The following ASTN2 variants were observed in gnomAD, a reference collection of about 807,000 sequenced individuals.
ASTN2 encodes the protein astrotactin-2.
Under a neutral mutation model 139.8 loss-of-function variants are expected in ASTN2, and 54 were observed. The ratio of observed to expected loss-of-function variants is 0.39; its 90% CI spans 0.31 to 0.48. The LOEUF is 0.48. ASTN2 is among the 20% of genes least tolerant of loss of function. The pLI is 0.95. For missense variants in ASTN2, 1,565 were observed against 1,725.1 expected, an observed-to-expected ratio of 0.91 and a Z score of 1.64; for synonymous variants, 756 against 719.5, an observed-to-expected ratio of 1.05 and a Z score of -0.81.
intron 2 of ASTN2, among the ~76,000 whole-genome samples, chr9:117,290,427 A>G (rs1468823364): frequency 3.9e-5 from 6 of 152,098 alleles, no homozygotes; most frequent in Admixed American, 3.9e-4. Flanking sequence ...TTAGACTACC[A>G]CTCAAGTGAT....
chr9:116,602,569 G>A (rs4837658), intron 19 of ASTN2, among the ~76,000 whole-genome samples: 64 of 152,028 alleles, frequency 4.2e-4, no homozygotes, highest in Non-Finnish European at 8.1e-4. Context: ...AAATTGTTTG[G>A]AGAAAAATTA....
intron 5 of ASTN2, among the ~76,000 whole-genome samples, chr9:117,064,628 A>T (rs570295854): frequency 6.6e-6 from 1 of 152,298 alleles, no homozygotes; most frequent in Admixed American, 6.5e-5. Flanking sequence ...ATAGAGTGGA[A>T]TAATAGACAT....
intron 3 of ASTN2, chr9:117,180,574 A>G: frequency 2.5e-6 from 2 of 798,650 alleles, no homozygotes; most frequent in Non-Finnish European, 4.0e-6. Context: ...GCAATCATTT[A>G]TTGACTGCTT....
chr9:116,918,169 C>T (rs1171840459), intron 10 of ASTN2, among the ~76,000 whole-genome samples: 2 of 152,172 alleles, frequency 1.3e-5, no homozygotes, highest in African/African-American at 4.8e-5. Flanking sequence ...TCTTTTTCTT[C>T]CCAGCCTTGT....
At chr9:116,574,715 G>A (rs1853655010) in intron 19 of ASTN2, among the ~76,000 whole-genome samples, 1 of 152,190 alleles carries the variant, frequency 6.6e-6, no homozygotes, top group Non-Finnish European at 1.5e-5. Context: ...TACCGACTGT[G>A]TGTGGACCAC....
chr9:116,646,647 G>T (rs1439057307), intron 17 of ASTN2, among the ~76,000 whole-genome samples: 2 of 152,250 alleles, frequency 1.3e-5, no homozygotes, highest in East Asian at 3.9e-4. Flanking sequence ...CCCTTAGGCT[G>T]TCATGACACT....
At chr9:117,413,168 A>G (rs914778656) in intron 1 of ASTN2, among the ~76,000 whole-genome samples, 1 of 152,266 alleles carries the variant, frequency 6.6e-6, no homozygotes, top group African/African-American at 2.4e-5. Flanking sequence ...AGGTGGTAGC[A>G]TGAAAGGATG....
At chr9:117,166,074 TC>T (rs1420984646) in intron 3 of ASTN2, among the ~76,000 whole-genome samples, 1 of 152,062 alleles carries the variant, frequency 6.6e-6, no homozygotes, top group Non-Finnish European at 1.5e-5. Flanking sequence ...ATAAGACAGG[TC>T]TTAACTTAGT....
chr9:117,414,454 C>T lies in ASTN2; in HGVS notation c.442+43G>A. On this transcript the variant is annotated intron_variant, in intron 1 of 22. Transcript: ENST00000313400. The surrounding 1 kb of genome is among the most constrained non-coding windows in gnomAD (Gnocchi z 4.2). The stretch of plus-strand genomic sequence containing the variant: ...ACCCGTCCGGCATGACGCAGGGGCT[C>T]GGGGTTCCTTGGGATCTAGCGCGTG... The T allele has an allele frequency of 6.2e-7, 1 of 1,600,642 alleles. No homozygotes were observed. Among genetic ancestry groups the T allele is most frequent in the Non-Finnish European group, 8.5e-7 (1 of 1,173,940 alleles).
At chr9:117,363,900 A>C (rs1829761090) in intron 1 of ASTN2, among the ~76,000 whole-genome samples, 1 of 152,132 alleles carries the variant, frequency 6.6e-6, no homozygotes, top group Admixed American at 6.6e-5. Flanking sequence ...TGTGTAGTGC[A>C]TAGGAATTCT....
At chr9:116,450,547 T>C (rs10983161) in intron 20 of ASTN2, among the ~76,000 whole-genome samples, 29,201 of 152,112 alleles carry the variant, frequency 0.19, 3,406 homozygotes, top group Middle Eastern at 0.29. Context: ...TTTGGGTAAG[T>C]CCCACCATGC....
chr9:117,305,520 A>G (rs529076785), intron 1 of ASTN2, among the ~76,000 whole-genome samples: 49 of 152,294 alleles, frequency 3.2e-4, no homozygotes, highest in African/African-American at 1.1e-3. Flanking sequence ...CTGCCACTCT[A>G]TTAGTTGAAT....
rs919825548 is a variant in ASTN2, at chr9:117,238,544, C to A, written c.631-23802G>T. Among the ~76,000 whole-genome samples the A allele has an allele frequency of 6.6e-5, 10 of 152,324 alleles. No homozygotes were observed. The East Asian group carries it at 1.9e-3, about 29-fold the overall frequency. Reference sequence around the variant, plus strand: ...CCAACAGCTCTGGCTCTGGCCCAGGCTATGGGTGAATCTCCTCCACAAAGC... The same window carrying A: ...CCAACAGCTCTGGCTCTGGCCCAGGATATGGGTGAATCTCCTCCACAAAGC... On this transcript the variant is annotated intron_variant, in intron 2 of 22. Transcript: ENST00000313400.
At chr9:117,142,559 C>T (rs4837006) in intron 3 of ASTN2, among the ~76,000 whole-genome samples, 7 of 152,084 alleles carry the variant, frequency 4.6e-5, no homozygotes, top group Non-Finnish European at 7.4e-5. Flanking sequence ...TCCAATATTC[C>T]GTTTGCACCA....
At chr9:116,648,056 C>A (rs1857695445) in intron 17 of ASTN2, among the ~76,000 whole-genome samples, 1 of 150,164 alleles carries the variant, frequency 6.7e-6, no homozygotes, top group Admixed American at 6.7e-5. Context: ...GACTGGAGTG[C>A]AATGGTGCGA....
At chr9:117,330,438 T>G (rs1210545970) in intron 1 of ASTN2, among the ~76,000 whole-genome samples, 1 of 152,192 alleles carries the variant, frequency 6.6e-6, no homozygotes, top group Admixed American at 6.5e-5. Flanking sequence ...GAGCATTGGT[T>G]TGTGATCTCC....
chr9:117,131,181 A>C (rs1177509069), intron 4 of ASTN2, among the ~76,000 whole-genome samples: 1 of 152,210 alleles, frequency 6.6e-6, no homozygotes, highest in Non-Finnish European at 1.5e-5. Flanking sequence ...AACACACTGA[A>C]TGAATCCCCT....
At chr9:116,726,038 T>TCA in intron 15 of ASTN2, 88 bp from the exon 16 acceptor site, 8 of 1,334,520 alleles carry the variant, frequency 6.0e-6, no homozygotes, top group Non-Finnish European at 8.2e-6. Flanking sequence ...CTTCCCAACC[T>TCA]GTATTTTGTG....
At position 116,425,766 on chromosome 9, in the gene ASTN2, A is replaced by AG; in HGVS notation, c.*84dup. On this transcript the variant is annotated 3_prime_UTR_variant, in exon 23 of 23. Transcript: ENST00000313400. Reference sequence around the variant, plus strand: ...CTAGGCCCATCCTCAGCTGTCCCCCAGCCCACCCAGGCCCCAGGATCCAGG... The same window carrying AG: ...CTAGGCCCATCCTCAGCTGTCCCCCAGGCCCACCCAGGCCCCAGGATCCAGG... 3.5e-6 allele frequency: 5 copies of AG among 1,445,506 alleles called. No homozygotes were observed. Among genetic ancestry groups the AG allele is most frequent in the Non-Finnish European group, 3.8e-6 (4 of 1,047,000 alleles). 89.5% of individuals were successfully genotyped at this position (1,445,506 alleles called of 1,614,324 possible). A position where few individuals can be genotyped will look rare whatever the true frequency, so the allele number is the denominator to read the frequency against.
Sources: gnomAD v4.1 joint callset for allele counts (sites outside exome capture counted in the v4.1 genomes callset) on GRCh38, gnomAD v4.1.1 for gene constraint, Gnocchi (gnomAD v3.1) non-coding constraint, MANE v1.5 for transcripts, NCBI Gene and HGNC (gene_info 2026-07-23, HGNC 2026-07-21) for gene names.